The following SFMBT2 variants were observed in gnomAD, a reference collection of about 807,000 sequenced individuals.
SFMBT2 encodes the protein scm-like with four MBT domains protein 2.
Under a neutral mutation model 110.1 loss-of-function variants are expected in SFMBT2, and 38 were observed. The observed-to-expected ratio is 0.35, with a 90% CI of 0.27 to 0.45. SFMBT2 has a LOEUF of 0.45. SFMBT2 is among the 20% of genes least tolerant of loss of function. The pLI is 1.00. For missense variants in SFMBT2, 1,011 were observed against 1,094.9 expected (o/e 0.92, Z 1.08); for synonymous variants, 425 against 425.4 (o/e 1.00, Z 0.01).
chr10:7,270,807 T>C (rs10795538), intron 7 of SFMBT2, among the ~76,000 whole-genome samples: 77,249 of 152,084 alleles, frequency 0.51, 20,774 homozygotes, highest in East Asian at 0.82. Flanking sequence ...GAACAAACTA[T>C]TAAACTCTGG....
Position 7,315,038 on chromosome 10 carries a change from G to GAGAAAGAAAGAAACAAAGAA in SFMBT2, c.437-29085_437-29084insTTCTTTGTTTCTTTCTTTCT. Among the ~76,000 whole-genome samples the GAGAAAGAAAGAAACAAAGAA allele has an allele frequency of 2.4e-5, 2 of 82,252 alleles. 1 individual carries two copies. Among genetic ancestry groups the GAGAAAGAAAGAAACAAAGAA allele is most frequent in the African/African-American group, 1.0e-4 (2 of 19,430 alleles). 54.0% of individuals were successfully genotyped at this position (82,252 alleles called of 152,430 possible). ...AAGAAAAGAGAGAGAAAGAAAGAAA[G>GAGAAAGAAAGAAACAAAGAA]AGAAAGAAAGAAAGAAAGAAAGAAA... On this transcript the variant is annotated intron_variant, in intron 4 of 20. Coordinates refer to ENST00000397167, the MANE Select transcript of SFMBT2 (RefSeq NM_001387889.1).
intron 1 of SFMBT2, among the ~76,000 whole-genome samples, chr10:7,409,805 G>T (rs1886615): frequency 6.6e-6 from 1 of 151,564 alleles, no homozygotes; most frequent in East Asian, 1.9e-4. Context: ...AGCCACCTTA[G>T]CCCGCCATAT....
chr10:7,361,888 C>A (rs117619334), intron 4 of SFMBT2, among the ~76,000 whole-genome samples: 1 of 152,128 alleles, frequency 6.6e-6, no homozygotes, highest in East Asian at 1.9e-4. Context: ...CGGCAGGCAC[C>A]GACTAAATCT....
At chr10:7,243,491 T>C in intron 9 of SFMBT2, 67 bp downstream of exon 9, 1 of 845,416 alleles carries the variant, frequency 1.2e-6, no homozygotes, top group South Asian at 1.4e-5. Context: ...AATGCAGGTG[T>C]TACTTCAATG....
At chr10:7,275,000 C>G (rs181274229) in intron 7 of SFMBT2, among the ~76,000 whole-genome samples, 2 of 152,110 alleles carry the variant, frequency 1.3e-5, no homozygotes, top group South Asian at 4.1e-4. Flanking sequence ...ACAATGAGGA[C>G]AGTGCCCACT....
intron 1 of SFMBT2, 25 bp from the exon 2 acceptor site, chr10:7,381,974 A>C (rs1431225954): frequency 2.9e-6 from 4 of 1,383,264 alleles, no homozygotes; most frequent in Admixed American, 5.1e-5. Context: ...AAAAAAAAAA[A>C]TCAGAGCAGT....
chr10:7,214,834 G>A (rs1839479892), intron 11 of SFMBT2: 3 of 864,698 alleles, frequency 3.5e-6, no homozygotes, highest in Non-Finnish European at 4.2e-6. Flanking sequence ...CAGATTCCAT[G>A]CCTGTTTTAA....
intron 4 of SFMBT2, among the ~76,000 whole-genome samples, chr10:7,304,578 T>G (rs1842642199): frequency 6.6e-6 from 1 of 152,136 alleles, no homozygotes; most frequent in African/African-American, 2.4e-5. Context: ...ACTCCCAAAC[T>G]CATTTGAGTA....
At chr10:7,246,175 T>A in intron 8 of SFMBT2, 1 of 984,974 alleles carries the variant, frequency 1.0e-6, no homozygotes, top group Non-Finnish European at 1.2e-6. Flanking sequence ...ACTTATTTTA[T>A]CTTTGCTACA....
At chr10:7,242,433 T>C (rs1480992534) in intron 9 of SFMBT2, among the ~76,000 whole-genome samples, 7 of 152,190 alleles carry the variant, frequency 4.6e-5, no homozygotes, top group African/African-American at 1.7e-4. Flanking sequence ...GCAAGTTATA[T>C]AAACTCTCTG....
rs1490693207 is a variant in SFMBT2, at chr10:7,159,916, C to G, written c.*3854G>C. On this transcript the variant is annotated 3_prime_UTR_variant, in exon 21 of 21. Transcript: ENST00000397167. ...AAATCTCAGAACTTGCCAAATACAA[C>G]ACTCAAAATTCTGTGAGATAAGTTA... 1.3e-5 allele frequency: 2 copies of G among 152,188 alleles called. No homozygotes were observed. The highest frequency in any genetic ancestry group is 2.9e-5 in the Non-Finnish European group (2 of 68,032). 9.4% of individuals were successfully genotyped at this position (152,188 alleles called of 1,614,324 possible).
At chr10:7,179,943 C>A (rs1838195340) in intron 16 of SFMBT2, among the ~76,000 whole-genome samples, 1 of 152,172 alleles carries the variant, frequency 6.6e-6, no homozygotes, top group South Asian at 2.1e-4. Context: ...TCTTCCCTGC[C>A]CTTCCTGAAC....
intron 4 of SFMBT2, among the ~76,000 whole-genome samples, chr10:7,307,597 G>T (rs941705653): frequency 6.6e-6 from 1 of 152,200 alleles, no homozygotes; most frequent in East Asian, 1.9e-4. Flanking sequence ...CTGATAAATA[G>T]TTCTAGGACA....
intron 7 of SFMBT2, among the ~76,000 whole-genome samples, chr10:7,256,713 T>G (rs747567885): frequency 6.6e-6 from 1 of 152,204 alleles, no homozygotes; most frequent in Non-Finnish European, 1.5e-5. Flanking sequence ...ACCAACGTGG[T>G]TAATCTAGTA....
At chr10:7,389,310 AT>A (rs1845706408) in intron 1 of SFMBT2, among the ~76,000 whole-genome samples, 1 of 152,168 alleles carries the variant, frequency 6.6e-6, no homozygotes, top group Non-Finnish European at 1.5e-5. Context: ...GAAACAGTAT[AT>A]TTTTAAAAAG....
intron 14 of SFMBT2, 61 bp downstream of exon 14, chr10:7,200,353 T>TGTCTCTGCTCCCGGCTGCAC: frequency 1.5e-6 from 2 of 1,315,114 alleles, no homozygotes. Context: ...AACCTATACA[T>TGTCTCTGCTCCCGGCTGCAC]GTCTCTGCTC....
At chr10:7,256,033 T>C (rs544155534) in intron 7 of SFMBT2, among the ~76,000 whole-genome samples, 35 of 152,316 alleles carry the variant, frequency 2.3e-4, no homozygotes, top group African/African-American at 7.9e-4. Flanking sequence ...CAGAAACAGC[T>C]AACATGTTGT....
intron 7 of SFMBT2, among the ~76,000 whole-genome samples, chr10:7,255,443 G>C (rs1840970066): frequency 6.6e-6 from 1 of 152,184 alleles, no homozygotes; most frequent in African/African-American, 2.4e-5. Context: ...CAGAGTACTG[G>C]AGTCTGGTCA....
intron 4 of SFMBT2, among the ~76,000 whole-genome samples, chr10:7,341,974 G>C (rs1588463464): frequency 6.6e-6 from 1 of 152,122 alleles, no homozygotes; most frequent in Middle Eastern, 3.4e-3. Flanking sequence ...ATAGTTATTT[G>C]AGCTCCAGTT....
Sources: gnomAD v4.1 joint callset for allele counts (sites outside exome capture counted in the v4.1 genomes callset) on GRCh38, gnomAD v4.1.1 for gene constraint, MANE v1.5 for transcripts, NCBI Gene and HGNC (gene_info 2026-07-23, HGNC 2026-07-21) for gene names.